GRIK4: variants seen among roughly 807,000 people sequenced by gnomAD.
The protein encoded by GRIK4 is glutamate receptor ionotropic, kainate 4.
Under a neutral mutation model 104.9 loss-of-function variants are expected in GRIK4, and 40 were observed. The observed-to-expected ratio is 0.38, with a 90% confidence interval of 0.30 to 0.50. The LOEUF is 0.50. GRIK4 is among the 20% of genes least tolerant of loss of function. The pLI, the probability that GRIK4 is intolerant of heterozygous loss-of-function variation, is 0.93. For synonymous variants in GRIK4, 485 were observed against 524.9 expected, an observed-to-expected ratio of 0.92 and a Z score of 1.04; for missense variants, 1,047 against 1,308.1, an observed-to-expected ratio of 0.80 and a Z score of 3.08.
chr11:120,752,779 C>G (rs186573012), intron 3 of GRIK4, among the ~76,000 whole-genome samples: 2 of 152,172 alleles, frequency 1.3e-5, no homozygotes, highest in Non-Finnish European at 2.9e-5. Flanking sequence ...TGGCTCTGCT[C>G]GAGGGCCACC....
At chr11:120,963,746 G>T (rs1775133115) in intron 18 of GRIK4, among the ~76,000 whole-genome samples, 1 of 152,142 alleles carries the variant, frequency 6.6e-6, no homozygotes, top group East Asian at 1.9e-4. Context: ...CTGGGAGTCA[G>T]GCAGACCCCG....
rs140897741 is a variant in GRIK4, at chr11:120,775,569, G to A, written c.83-27124G>A. Among the ~76,000 whole-genome samples, 310 of 152,314 alleles carry A rather than the reference G, an allele frequency of 2.0e-3. 1 individual carries two copies. The highest frequency in any genetic ancestry group is 6.8e-3 in the African/African-American group (283 of 41,574). On this transcript the variant is annotated intron_variant, in intron 3 of 20. Coordinates refer to ENST00000527524, the MANE Select transcript of GRIK4 (RefSeq NM_014619.5). Reference sequence around the variant, plus strand: ...GGTACTATTTGGAAATGCTTACTACGTGTATGGAACAAAGAAAAAGAGAAT... The same window carrying A: ...GGTACTATTTGGAAATGCTTACTACATGTATGGAACAAAGAAAAAGAGAAT...
intron 3 of GRIK4, among the ~76,000 whole-genome samples, chr11:120,731,463 G>T (rs1186135627): frequency 6.6e-6 from 1 of 151,974 alleles, no homozygotes; most frequent in African/African-American, 2.4e-5. Flanking sequence ...GTTAAATTTG[G>T]TTTGCTAGTT....
chr11:120,813,479 C>G (rs899185835), intron 4 of GRIK4, among the ~76,000 whole-genome samples: 3 of 152,162 alleles, frequency 2.0e-5, no homozygotes, highest in African/African-American at 7.2e-5. Context: ...AAAGATGAAG[C>G]CTGATCATCA....
intron 1 of GRIK4, chr11:120,514,940 G>A (rs1591667311): frequency 2.2e-6 from 1 of 456,262 alleles, no homozygotes; most frequent in Admixed American, 2.4e-5. Flanking sequence ...TGGGCCTCCA[G>A]CCTCAGTTTC....
At chr11:120,694,853 A>T (rs1262402829) in intron 3 of GRIK4, among the ~76,000 whole-genome samples, 1 of 152,202 alleles carries the variant, frequency 6.6e-6, no homozygotes, top group Admixed American at 6.5e-5. Flanking sequence ...AAAGAAGAAG[A>T]CAGGCAAGCA....
chr11:120,962,389 CCT>C, intron 17 of GRIK4, 65 bp from the exon 18 acceptor site: 1 of 1,085,618 alleles, frequency 9.2e-7, no homozygotes, highest in Non-Finnish European at 1.4e-6. Flanking sequence ...ACTTTGATTC[CCT>C]CTCTTTTTAA....
chr11:120,815,264 G>A, intron 4 of GRIK4, 114 bp from the exon 5 acceptor site: 1 of 659,906 alleles, frequency 1.5e-6, no homozygotes, highest in Non-Finnish European at 2.7e-6. Context: ...GGCCTGGGCA[G>A]CGGGTGTGCA....
chr11:120,684,588 A>C (rs188225577), intron 3 of GRIK4, among the ~76,000 whole-genome samples: 2 of 152,378 alleles, frequency 1.3e-5, no homozygotes, highest in Non-Finnish European at 2.9e-5. Flanking sequence ...TGAATGATGC[A>C]GACTCTAAAT....
Position 120,674,310 on chromosome 11 carries a change from T to C in GRIK4, c.82+13910T>C, listed in dbSNP as rs143204707. Among the ~76,000 whole-genome samples, 20 of 152,304 alleles carry C rather than the reference T, an allele frequency of 1.3e-4. No individual in the cohort carries two copies. The East Asian group carries it at 3.9e-3, about 29-fold the overall frequency. ...GCCTGGTGGGGATCTGGCCTCTAGG[T>C]TCAGAGCCCCTTGTTGAACCCATTC... On this transcript the variant is annotated intron_variant, in intron 3 of 20. Coordinates refer to ENST00000527524, the MANE Select transcript of GRIK4 (RefSeq NM_014619.5).
At chr11:120,772,196 C>T (rs1951957493) in intron 3 of GRIK4, among the ~76,000 whole-genome samples, 1 of 152,126 alleles carries the variant, frequency 6.6e-6, no homozygotes. Context: ...TGTCTTAGTT[C>T]ATTCCTACTG....
chr11:120,879,325 G>T (rs1954900746), intron 11 of GRIK4, among the ~76,000 whole-genome samples: 2 of 152,298 alleles, frequency 1.3e-5, no homozygotes, highest in East Asian at 3.9e-4. Flanking sequence ...GCTGGGCTGG[G>T]CGTTCCTTAA....
At chr11:120,519,903 T>TG (rs1397967647) in intron 1 of GRIK4, among the ~76,000 whole-genome samples, 11 of 150,718 alleles carry the variant, frequency 7.3e-5, no homozygotes, top group South Asian at 6.4e-4. Flanking sequence ...TTGTTGTTGT[T>TG]TTTTTTTGAG....
chr11:120,655,283 G>T (rs1468882801), intron 2 of GRIK4, among the ~76,000 whole-genome samples: 5 of 151,788 alleles, frequency 3.3e-5, no homozygotes, highest in Admixed American at 2.0e-4. Flanking sequence ...TCCATCAGGG[G>T]ATGGGACTGC....
intron 3 of GRIK4, among the ~76,000 whole-genome samples, chr11:120,799,277 C>T (rs1271429528): frequency 1.3e-5 from 2 of 152,190 alleles, no homozygotes; most frequent in Non-Finnish European, 2.9e-5. Context: ...ATAGCTGCCT[C>T]CATGGTCTGA....
intron 1 of GRIK4, among the ~76,000 whole-genome samples, chr11:120,539,931 G>A (rs1185013344): frequency 6.6e-6 from 1 of 152,204 alleles, no homozygotes; most frequent in African/African-American, 2.4e-5. Flanking sequence ...TCACGGGGCT[G>A]GGGCTAGGAC....
chr11:120,585,137 C>T (rs908094474), intron 1 of GRIK4, among the ~76,000 whole-genome samples: 93 of 152,206 alleles, frequency 6.1e-4, no homozygotes, highest in Middle Eastern at 3.4e-3. Flanking sequence ...TAAGACTTTC[C>T]GTCTTTTTTA....
At chr11:120,797,028 G>A (rs1052539927) in intron 3 of GRIK4, among the ~76,000 whole-genome samples, 3 of 152,186 alleles carry the variant, frequency 2.0e-5, no homozygotes, top group African/African-American at 7.2e-5. Flanking sequence ...GGCACAGGGT[G>A]AAGTTCTTGG....
chr11:120,721,454 T>C (rs1405477820), intron 3 of GRIK4, among the ~76,000 whole-genome samples: 1 of 152,152 alleles, frequency 6.6e-6, no homozygotes, highest in Non-Finnish European at 1.5e-5. Flanking sequence ...AGTTTGTTCC[T>C]CACAGTTCCC....
Sources: allele counts gnomAD v4.1 joint callset (sites outside exome capture counted in the v4.1 genomes callset), GRCh38; gene constraint gnomAD v4.1.1; transcripts MANE v1.5; gene names NCBI Gene and HGNC (gene_info 2026-07-23, HGNC 2026-07-21).